Variants in APP observed in about 807,000 individuals in gnomAD.
APP encodes amyloid-beta precursor protein.
In APP, 31 loss-of-function variants were observed where a neutral mutation model predicts 101.4. That is an observed-to-expected ratio of 0.31 (90% CI 0.23 to 0.41). APP has a LOEUF of 0.41. Ranked by LOEUF, APP falls within the 10% of genes least tolerant of loss-of-function variation. The probability of loss-of-function intolerance (pLI) is 1.00; values close to 1 mark genes in which losing one functional copy is unlikely to be tolerated. For synonymous variants in APP, 366 were observed against 364.4 expected (o/e 1.00, Z -0.05); for missense variants, 839 against 1,003.7 (o/e 0.84, Z 2.22).
At chr21:26,116,463 T>C (rs961634368) in intron 1 of APP, among the ~76,000 whole-genome samples, 2 of 152,208 alleles carry the variant, frequency 1.3e-5, no homozygotes, top group African/African-American at 2.4e-5. Context: ...CTACAGTTGC[T>C]ACAATTTTCA....
At chr21:26,021,688 CA>C (rs1441935083) in intron 6 of APP, 151 bp downstream of exon 6, 4 of 1,164,972 alleles carry the variant, frequency 3.4e-6, no homozygotes, top group African/African-American at 1.5e-5. Flanking sequence ...CTTGTTAAAC[CA>C]AAAAAATTTC....
At chr21:26,005,069 T>A (rs562770337) in intron 6 of APP, among the ~76,000 whole-genome samples, 14 of 152,276 alleles carry the variant, frequency 9.2e-5, no homozygotes, top group African/African-American at 3.4e-4. Context: ...ACATTTGGGT[T>A]GGTGTCAAGT....
At chr21:25,998,429 T>C (rs1215371250) in intron 7 of APP, among the ~76,000 whole-genome samples, 1 of 149,884 alleles carries the variant, frequency 6.7e-6, no homozygotes, top group Non-Finnish European at 1.5e-5. Flanking sequence ...TATCAGTTCC[T>C]ACACCTGTTC....
intron 13 of APP, among the ~76,000 whole-genome samples, chr21:25,912,447 A>G (rs1333420060): frequency 6.6e-6 from 1 of 152,212 alleles, no homozygotes; most frequent in Non-Finnish European, 1.5e-5. Flanking sequence ...GAAAAGCATT[A>G]AAGGGCCAGT....
At chr21:26,101,609 C>A (rs1443285233) in intron 2 of APP, among the ~76,000 whole-genome samples, 1 of 152,130 alleles carries the variant, frequency 6.6e-6, no homozygotes, top group Non-Finnish European at 1.5e-5. Context: ...TAATACAGCA[C>A]CTCAGGATAT....
intron 9 of APP, among the ~76,000 whole-genome samples, chr21:25,979,472 A>G (rs568790913): frequency 6.6e-6 from 1 of 152,326 alleles, no homozygotes; most frequent in Non-Finnish European, 1.5e-5. Context: ...TTAAAGTTGA[A>G]AAGTCCCTAG....
At chr21:25,958,020 G>GTA in intron 11 of APP, among the ~76,000 whole-genome samples, 1 of 152,116 alleles carries the variant, frequency 6.6e-6, no homozygotes, top group South Asian at 2.1e-4. Flanking sequence ...AACAAAAACA[G>GTA]TAAGAATTGC....
At chr21:26,036,584 G>A (rs1453999110) in intron 5 of APP, among the ~76,000 whole-genome samples, 1 of 152,182 alleles carries the variant, frequency 6.6e-6, no homozygotes, top group South Asian at 2.1e-4. Flanking sequence ...ACTGATGACA[G>A]AGCAAAAGCG....
chr21:26,129,968 G>A (rs528832079), intron 1 of APP, among the ~76,000 whole-genome samples: 4 of 152,208 alleles, frequency 2.6e-5, no homozygotes, highest in Non-Finnish European at 2.9e-5. Flanking sequence ...AGGGTGATAC[G>A]GTGATAAATT....
At chr21:26,091,186 G>A (rs569081389) in intron 2 of APP, among the ~76,000 whole-genome samples, 1 of 152,206 alleles carries the variant, frequency 6.6e-6, no homozygotes, top group Non-Finnish European at 1.5e-5. Context: ...GCAAGGGAAT[G>A]ATTAGAATGC....
intron 10 of APP, 54 bp downstream of exon 10, chr21:25,975,900 A>G: frequency 6.9e-7 from 1 of 1,441,822 alleles, no homozygotes; most frequent in Non-Finnish European, 9.8e-7. Context: ...GCAGACACTC[A>G]TTAAAAAGAC....
chr21:26,130,160 C>A (rs1043541300), intron 1 of APP, among the ~76,000 whole-genome samples: 1 of 152,164 alleles, frequency 6.6e-6, no homozygotes, highest in African/African-American at 2.4e-5. Context: ...GTCATTCACA[C>A]GAAGGTTACA....
chr21:26,082,536 C>T (rs567559733), intron 3 of APP, among the ~76,000 whole-genome samples: 143 of 152,200 alleles, frequency 9.4e-4, no homozygotes, highest in Non-Finnish European at 1.7e-3. Context: ...TGAATGAAAA[C>T]AGTAATGATT....
intron 13 of APP, among the ~76,000 whole-genome samples, chr21:25,928,327 G>A (rs1181820583): frequency 2.1e-5 from 3 of 144,660 alleles, no homozygotes; most frequent in East Asian, 4.2e-4. Flanking sequence ...GGGCGACAGA[G>A]CGAGACTCCA....
chr21:26,113,751 G>A (rs996426662), intron 1 of APP, among the ~76,000 whole-genome samples: 1 of 152,168 alleles, frequency 6.6e-6, no homozygotes, highest in Non-Finnish European at 1.5e-5. Context: ...AGGCTAAGTA[G>A]AATGCTCTAT....
At position 25,971,194 on chromosome 21, in the gene APP, T is replaced by G. The variant is rs376453874; in HGVS notation, c.1458+3876A>C. On this transcript the variant is annotated intron_variant, in intron 11 of 17. Coordinates refer to ENST00000346798, the MANE Select transcript of APP (RefSeq NM_000484.4). Reference sequence around the variant, plus strand: ...TCCTGAGTAGCTGGGACTACAGGTGTGCGCCACCACACCTGGCTAATTTTT... The same window carrying G: ...TCCTGAGTAGCTGGGACTACAGGTGGGCGCCACCACACCTGGCTAATTTTT... Among the ~76,000 whole-genome samples the G allele has an allele frequency of 1.3e-4, 20 of 151,414 alleles. No homozygotes were observed. The South Asian group carries it at 4.0e-3, about 30-fold the overall frequency.
intron 1 of APP, among the ~76,000 whole-genome samples, chr21:26,146,957 C>T (rs1056614651): frequency 6.6e-6 from 1 of 152,132 alleles, no homozygotes; most frequent in Non-Finnish European, 1.5e-5. Flanking sequence ...AATAATCCAT[C>T]TTTCCCCTTT....
At chr21:26,085,846 T>A (rs908010683) in intron 3 of APP, among the ~76,000 whole-genome samples, 2 of 152,234 alleles carry the variant, frequency 1.3e-5, no homozygotes, top group African/African-American at 4.8e-5. Flanking sequence ...ATTGAATACC[T>A]TTCTCATTTG....
At chr21:26,144,407 T>C (rs1312556718) in intron 1 of APP, among the ~76,000 whole-genome samples, 1 of 152,244 alleles carries the variant, frequency 6.6e-6, no homozygotes, top group African/African-American at 2.4e-5. Flanking sequence ...TGGTTTATAA[T>C]ACATTATTCC....
Sources: allele counts gnomAD v4.1 joint callset (sites outside exome capture counted in the v4.1 genomes callset), GRCh38; gene constraint gnomAD v4.1.1; transcripts MANE v1.5; gene names NCBI Gene and HGNC (gene_info 2026-07-23, HGNC 2026-07-21).